DPP6: variants seen among roughly 807,000 people sequenced by gnomAD.
The protein encoded by DPP6 is A-type potassium channel modulatory protein DPP6.
DPP6 carries 69 observed loss-of-function variants against 122.6 expected under a neutral mutation model. That is an observed-to-expected ratio of 0.56 (90% CI 0.46 to 0.69). The LOEUF (loss-of-function observed/expected upper bound fraction) is 0.69. Ranked by LOEUF, DPP6 falls within the 30% of genes least tolerant of loss-of-function variation. The pLI, the probability that DPP6 is intolerant of heterozygous loss-of-function variation, is 0.00. For synonymous variants in DPP6, 418 were observed against 433.1 expected, an observed-to-expected ratio of 0.97 and a Z score of 0.43; for missense variants, 928 against 1,116.9, an observed-to-expected ratio of 0.83 and a Z score of 2.41.
chr7:154,324,811 A>G (rs1034814382), intron 1 of DPP6, among the ~76,000 whole-genome samples: 2 of 149,732 alleles, frequency 1.3e-5, no homozygotes, highest in African/African-American at 2.5e-5. Context: ...AACTCTTAGG[A>G]TGGGATTTAT....
intron 1 of DPP6, among the ~76,000 whole-genome samples, chr7:154,404,927 A>C (rs1245758203): frequency 6.6e-6 from 1 of 152,246 alleles, no homozygotes; most frequent in East Asian, 1.9e-4. Flanking sequence ...GGTTGTAAAA[A>C]TAGAAAAAGA....
intron 1 of DPP6, among the ~76,000 whole-genome samples, chr7:154,432,309 T>A (rs1270518173): frequency 6.6e-6 from 1 of 152,214 alleles, no homozygotes; most frequent in Non-Finnish European, 1.5e-5. Flanking sequence ...AGAACATGGT[T>A]TTCACGCATT....
chr7:154,149,990 G>T (rs1025956398), intron 1 of DPP6, among the ~76,000 whole-genome samples: 1 of 152,098 alleles, frequency 6.6e-6, no homozygotes, highest in Non-Finnish European at 1.5e-5. Flanking sequence ...GATTTGATTC[G>T]TGGTGTTGTA....
In DPP6 at chr7:154,827,603, G is replaced by A. The variant is rs368803426; in HGVS notation, c.1666+20491G>A. On this transcript the variant is annotated intron_variant, in intron 16 of 25. Transcript: ENST00000377770. The stretch of plus-strand genomic sequence containing the variant: ...CGTCTCTTGGAAAGGATGGCCCACT[G>A]GGGGTGTTTAAGCCCAAGCAGAGTG... Among the ~76,000 whole-genome samples, 183 of 151,966 alleles carry A rather than the reference G, an allele frequency of 1.2e-3. 1 individual carries two copies. The highest frequency in any genetic ancestry group is 4.2e-3 in the African/African-American group (174 of 41,430).
chr7:154,671,364 C>G (rs2131113553), intron 7 of DPP6, among the ~76,000 whole-genome samples: 1 of 152,288 alleles, frequency 6.6e-6, no homozygotes, highest in Admixed American at 6.5e-5. Context: ...GAATGTGTAA[C>G]CTTACTGAGT....
chr7:154,676,530 G>C (rs873878), intron 7 of DPP6, among the ~76,000 whole-genome samples: 14,598 of 145,264 alleles, frequency 0.1, 846 homozygotes, highest in African/African-American at 0.14. Context: ...CATGTGACCT[G>C]CTACACAGGC....
chr7:154,860,213 C>T (rs946683521), intron 17 of DPP6, among the ~76,000 whole-genome samples: 3 of 152,128 alleles, frequency 2.0e-5, no homozygotes, highest in Non-Finnish European at 4.4e-5. Context: ...CCCTGAGGCA[C>T]CCCCTCCTAG....
At chr7:154,532,617 C>A (rs935481679) in intron 3 of DPP6, among the ~76,000 whole-genome samples, 1 of 151,832 alleles carries the variant, frequency 6.6e-6, no homozygotes, top group African/African-American at 2.4e-5. Flanking sequence ...ACACAAATGA[C>A]CAATTCAGGA....
intron 1 of DPP6, among the ~76,000 whole-genome samples, chr7:154,418,046 T>C (rs775170477): frequency 1.3e-4 from 20 of 152,200 alleles, no homozygotes; most frequent in Non-Finnish European, 4.4e-5. Context: ...GGGAAATGTA[T>C]CCTTTAGTAG....
intron 1 of DPP6, among the ~76,000 whole-genome samples, chr7:154,199,596 T>C (rs1041513550): frequency 6.6e-6 from 1 of 151,952 alleles, no homozygotes; most frequent in African/African-American, 2.4e-5. Flanking sequence ...GCATCTATAC[T>C]CTCAGCCACT....
At chr7:154,189,323 C>T (rs1468121349) in intron 1 of DPP6, among the ~76,000 whole-genome samples, 2 of 152,200 alleles carry the variant, frequency 1.3e-5, no homozygotes, top group Admixed American at 6.5e-5. Context: ...TTTCAACCTG[C>T]CTGAATCAGA....
At chr7:154,532,160 T>C (rs1431279874) in intron 3 of DPP6, among the ~76,000 whole-genome samples, 1 of 152,106 alleles carries the variant, frequency 6.6e-6, no homozygotes, top group African/African-American at 2.4e-5. Flanking sequence ...TTTGATCCAG[T>C]GGATTTAAAT....
At position 154,755,161 on chromosome 7, in the gene DPP6, A is replaced by T. The variant is rs983666146; in HGVS notation, c.884-14256A>T. ...AGTAAAATAAATTAAAAAAAAAAAA[A>T]AAAGAAACTGAACACATGTCAGGAG... is the stretch of plus-strand genomic sequence containing the variant. On this transcript the variant is annotated intron_variant, in intron 8 of 25. Coordinates refer to ENST00000377770, the MANE Select transcript of DPP6 (RefSeq NM_130797.4). This position sits in a 1 kb window ranked among gnomAD's most constrained non-coding sequence, Gnocchi z 4.7. Among the ~76,000 whole-genome samples the T allele has an allele frequency of 9.2e-5, 14 of 151,866 alleles. No homozygotes were observed. Among genetic ancestry groups the T allele is most frequent in the East Asian group, 5.8e-4 (3 of 5,164 alleles).
chr7:154,804,671 C>T lies in DPP6; in HGVS notation c.1500-246C>T, dbSNP rs571495201. 3.3e-5 allele frequency among the ~76,000 whole-genome samples: 5 copies of T among 152,324 alleles called. No individual in the cohort carries two copies. In the South Asian group the frequency reaches 8.3e-4, roughly 25 times the overall value. On this transcript the variant is annotated intron_variant, in intron 14 of 25. Transcript: ENST00000377770. ...CCCCAACCACAGTACCCTCTGGCCACGAAGCAGAGGCCAGTGCAGGGGGCA... is the reference window on the plus strand; with the variant it reads ...CCCCAACCACAGTACCCTCTGGCCATGAAGCAGAGGCCAGTGCAGGGGGCA...
intron 3 of DPP6, among the ~76,000 whole-genome samples, chr7:154,527,764 TAGC>T (rs1563806514): frequency 1.3e-5 from 2 of 152,200 alleles, no homozygotes; most frequent in Non-Finnish European, 2.9e-5. Context: ...TGAGATTTGT[TAGC>T]TCAATTGTTA....
intron 1 of DPP6, among the ~76,000 whole-genome samples, chr7:154,243,051 A>G (rs1801744769): frequency 6.6e-6 from 1 of 152,208 alleles, no homozygotes; most frequent in South Asian, 2.1e-4. Context: ...ACCTTAGCCC[A>G]TAACTAGAAT....
At chr7:154,279,232 G>C (rs763322133) in intron 1 of DPP6, among the ~76,000 whole-genome samples, 1 of 152,096 alleles carries the variant, frequency 6.6e-6, no homozygotes, top group Non-Finnish European at 1.5e-5. Context: ...ATAATTGTGT[G>C]CATATATGTG....
intron 1 of DPP6, among the ~76,000 whole-genome samples, chr7:154,401,921 T>A (rs1185963106): frequency 6.6e-6 from 1 of 151,882 alleles, no homozygotes; most frequent in Admixed American, 6.6e-5. Flanking sequence ...AACAACCCCA[T>A]CAAAAATTGG....
intron 1 of DPP6, among the ~76,000 whole-genome samples, chr7:154,023,103 A>C (rs1004331133): frequency 6.6e-6 from 1 of 151,650 alleles, no homozygotes; most frequent in Non-Finnish European, 1.5e-5. Context: ...TTCACCTAAC[A>C]CTCAGGATTC....
Sources: allele counts gnomAD v4.1 joint callset (sites outside exome capture counted in the v4.1 genomes callset), GRCh38; gene constraint gnomAD v4.1.1; non-coding constraint Gnocchi (gnomAD v3.1); transcripts MANE v1.5; gene names NCBI Gene and HGNC (gene_info 2026-07-23, HGNC 2026-07-21).